The following NAV3 variants were observed in gnomAD, a reference collection of about 807,000 sequenced individuals.
NAV3 encodes the protein pore membrane and/or filament interacting like protein 1.
Under a neutral mutation model 244.7 loss-of-function variants are expected in NAV3, and 87 were observed. The ratio of observed to expected loss-of-function variants is 0.36; its 90% CI spans 0.30 to 0.42. The LOEUF is 0.42. Among genes scored for constraint, NAV3 ranks in the 20% least tolerant of loss-of-function variants. The pLI is 1.00. For synonymous variants in NAV3, 1,126 were observed against 1,042.2 expected (o/e 1.08, Z -1.55); for missense variants, 2,663 against 2,893.3 (o/e 0.92, Z 1.83).
At chr12:77,859,737 C>A (rs186270096) in intron 1 of NAV3, among the ~76,000 whole-genome samples, 168 of 98,358 alleles carry the variant, frequency 1.7e-3, no homozygotes, top group Middle Eastern at 7.6e-3. Flanking sequence ...GTAAAACAAG[C>A]ATTTCCCATG....
At chr12:77,634,403 T>G (rs1242120766) in intron 2 of NAV3, among the ~76,000 whole-genome samples, 1 of 152,246 alleles carries the variant, frequency 6.6e-6, no homozygotes, top group Non-Finnish European at 1.5e-5. Flanking sequence ...TTTGATAATA[T>G]TTTGAAGTAG....
At chr12:77,610,955 A>T (rs938733397) in intron 2 of NAV3, among the ~76,000 whole-genome samples, 15 of 151,776 alleles carry the variant, frequency 9.9e-5, no homozygotes, top group Admixed American at 5.9e-4. Flanking sequence ...TTGGGAATAC[A>T]GGATGTCCAA....
chr12:77,591,208 A>G (rs1385224811), intron 2 of NAV3, among the ~76,000 whole-genome samples: 1 of 152,220 alleles, frequency 6.6e-6, no homozygotes, highest in Non-Finnish European at 1.5e-5. Flanking sequence ...ATCATTTTCC[A>G]TTTGAAACCT....
intron 2 of NAV3, among the ~76,000 whole-genome samples, chr12:77,654,720 C>G (rs184354453): frequency 6.6e-6 from 1 of 152,272 alleles, no homozygotes; most frequent in Non-Finnish European, 1.5e-5. Context: ...TAGGGGCAGA[C>G]TGACACCTCA....
intron 2 of NAV3, among the ~76,000 whole-genome samples, chr12:77,815,431 C>T (rs1035418583): frequency 6.6e-6 from 1 of 152,100 alleles, no homozygotes; most frequent in Non-Finnish European, 1.5e-5. Context: ...AGAATTACAG[C>T]ATATAGATTT....
chr12:77,714,366 G>A (rs370801668), intron 2 of NAV3, among the ~76,000 whole-genome samples: 3 of 152,062 alleles, frequency 2.0e-5, no homozygotes, highest in African/African-American at 7.2e-5. Flanking sequence ...TTTCTAGCTT[G>A]CTAATTATGT....
intron 2 of NAV3, among the ~76,000 whole-genome samples, chr12:77,646,055 T>C (rs1393931703): frequency 3.9e-5 from 6 of 152,258 alleles, no homozygotes; most frequent in South Asian, 4.1e-4. Flanking sequence ...TTACTTAAGG[T>C]ATACAACATG....
chr12:78,049,326 G>A (rs944162781), intron 9 of NAV3, among the ~76,000 whole-genome samples: 2 of 152,168 alleles, frequency 1.3e-5, no homozygotes, highest in Non-Finnish European at 2.9e-5. Flanking sequence ...TGAAACTCAG[G>A]CCCTTGGTGG....
intron 11 of NAV3, chr12:78,056,043 T>C (rs1883453251): frequency 6.6e-6 from 1 of 152,182 alleles, no homozygotes; most frequent in Admixed American, 6.6e-5. Context: ...AAATATGCAT[T>C]GATGGTCTAC....
chr12:77,825,469 T>C (rs554444225), intron 2 of NAV3, among the ~76,000 whole-genome samples: 1 of 152,318 alleles, frequency 6.6e-6, no homozygotes, highest in East Asian at 1.9e-4. Flanking sequence ...TTGTAAATTA[T>C]ATCTAAAGTG....
chr12:77,701,477 A>G (rs2137204576), intron 2 of NAV3, among the ~76,000 whole-genome samples: 1 of 151,982 alleles, frequency 6.6e-6, no homozygotes, highest in African/African-American at 2.4e-5. Context: ...TAATGTTTTC[A>G]AGGAAACAAC....
intron 18 of NAV3, among the ~76,000 whole-genome samples, chr12:78,135,485 G>T (rs1956333864): frequency 6.6e-6 from 1 of 152,076 alleles, no homozygotes; most frequent in South Asian, 2.1e-4. Context: ...ACTTCACTTG[G>T]ATATCTCTGC....
intron 22 of NAV3, among the ~76,000 whole-genome samples, chr12:78,155,536 AGT>A (rs1957269377): frequency 6.6e-6 from 1 of 152,146 alleles, no homozygotes; most frequent in Admixed American, 6.6e-5. Flanking sequence ...GTATATACCC[AGT>A]AATGGGATTA....
In NAV3 at chr12:78,204,684, C is replaced by T. The variant is rs910400972; in HGVS notation, c.6835-251C>T. On this transcript the variant is annotated intron_variant, in intron 38 of 39. Coordinates refer to ENST00000397909, the MANE Select transcript of NAV3 (RefSeq NM_001024383.2). ...CTATGTTTATTTATAATAAACCTCC[C>T]GTATATTCTCCCCCAAAAGTTGACA... 7.2e-5 allele frequency among the ~76,000 whole-genome samples: 11 copies of T among 151,904 alleles called. 1 individual carries two copies. Among genetic ancestry groups the T allele is most frequent in the Non-Finnish European group, 1.0e-4 (7 of 67,984 alleles).
chr12:77,665,923 T>C (rs1370372745), intron 2 of NAV3, among the ~76,000 whole-genome samples: 1 of 152,198 alleles, frequency 6.6e-6, no homozygotes, highest in Non-Finnish European at 1.5e-5. Context: ...TTGTGTGACA[T>C]CTCAAAATCT....
chr12:77,855,644 T>C (rs1374906560), intron 1 of NAV3, among the ~76,000 whole-genome samples: 1 of 152,254 alleles, frequency 6.6e-6, no homozygotes, highest in East Asian at 1.9e-4. Context: ...GTGAGAATTC[T>C]GAGCCCAGAC....
chr12:78,200,640 A>G lies in NAV3; in HGVS notation c.6834+49A>G, dbSNP rs549515575. ...TATTTTTTTTTAAAAAAAAAAAGCA[A>G]AAAAAATTACTTTAAAAGCAAAAAA... On this transcript the variant is annotated intron_variant, in intron 38 of 39. Transcript: ENST00000397909. 109 of 1,186,384 alleles carry G rather than the reference A, an allele frequency of 9.2e-5. No individual in the cohort carries two copies. The African/African-American group carries it at 1.6e-3, about 17-fold the overall frequency. 73.5% of individuals were successfully genotyped at this position (1,186,384 alleles called of 1,614,324 possible). A position where few individuals can be genotyped will look rare whatever the true frequency, so the allele number is the denominator to read the frequency against.
intron 2 of NAV3, among the ~76,000 whole-genome samples, chr12:77,759,073 C>T (rs1314503255): frequency 6.6e-6 from 1 of 152,208 alleles, no homozygotes; most frequent in African/African-American, 2.4e-5. Context: ...CATTGGACAG[C>T]ACAGTCCCAC....
intron 22 of NAV3, among the ~76,000 whole-genome samples, chr12:78,150,004 T>C (rs368942560): frequency 6.6e-6 from 1 of 152,172 alleles, no homozygotes; most frequent in Non-Finnish European, 1.5e-5. Flanking sequence ...TTTTAATAGA[T>C]GGTGTTAGGA....
Sources: allele counts gnomAD v4.1 joint callset (sites outside exome capture counted in the v4.1 genomes callset), GRCh38; gene constraint gnomAD v4.1.1; transcripts MANE v1.5; gene names NCBI Gene and HGNC (gene_info 2026-07-23, HGNC 2026-07-21).